The following CADPS variants were observed in gnomAD, a reference collection of about 807,000 sequenced individuals.
CADPS encodes calcium dependent secretion activator.
In CADPS, 57 loss-of-function variants were observed where a neutral mutation model predicts 167.3. The ratio of observed to expected loss-of-function variants is 0.34; its 90% CI spans 0.28 to 0.42. The LOEUF is 0.42. Among genes scored for constraint, CADPS ranks in the 20% least tolerant of loss-of-function variants. The pLI, the probability that CADPS is intolerant of heterozygous loss-of-function variation, is 1.00. For synonymous variants in CADPS, 676 were observed against 635.3 expected (o/e 1.06, Z -0.96); for missense variants, 1,414 against 1,738.1 (o/e 0.81, Z 3.32).
intron 13 of CADPS, among the ~76,000 whole-genome samples, chr3:62,525,679 A>ATGTGTGTGTGTG (rs34729200): frequency 0.021 from 3,142 of 148,864 alleles, 65 homozygotes; most frequent in Middle Eastern, 0.058. Context: ...TAATGTCATT[A>ATGTGTGTGTGTG]TGTGTGTGTG....
intron 27 of CADPS, chr3:62,439,147 C>G (rs2055781512): frequency 6.6e-6 from 1 of 152,104 alleles, no homozygotes; most frequent in Admixed American, 6.6e-5. Flanking sequence ...ATATATATGT[C>G]TGCTAATAAC....
At chr3:62,562,177 C>A (rs572126369) in intron 9 of CADPS, among the ~76,000 whole-genome samples, 37 of 152,230 alleles carry the variant, frequency 2.4e-4, no homozygotes, top group Middle Eastern at 3.4e-3. Context: ...CGGATTGAGC[C>A]AAAATCTGAG....
At chr3:62,591,140 G>T (rs888881952) in intron 7 of CADPS, among the ~76,000 whole-genome samples, 4 of 152,178 alleles carry the variant, frequency 2.6e-5, no homozygotes, top group Non-Finnish European at 5.9e-5. Context: ...TTACAGGCGT[G>T]AGCCACCGCG....
chr3:62,705,170 C>T (rs1406312052), intron 3 of CADPS, among the ~76,000 whole-genome samples: 1 of 152,152 alleles, frequency 6.6e-6, no homozygotes, highest in Non-Finnish European at 1.5e-5. Context: ...TTGAGTAACT[C>T]TCTCACCATT....
intron 3 of CADPS, among the ~76,000 whole-genome samples, chr3:62,666,172 G>A (rs925160398): frequency 2.6e-5 from 4 of 152,294 alleles, no homozygotes; most frequent in African/African-American, 9.6e-5. Flanking sequence ...TTTCTCTGGG[G>A]TCGAGTCCCC....
chr3:62,687,766 C>T (rs1478226542), intron 3 of CADPS, among the ~76,000 whole-genome samples: 8 of 115,928 alleles, frequency 6.9e-5, no homozygotes, highest in African/African-American at 1.2e-4. Flanking sequence ...TCTATCTTAA[C>T]GCTTGCTTCT....
intron 3 of CADPS, among the ~76,000 whole-genome samples, chr3:62,706,479 T>A (rs2151682158): frequency 6.6e-6 from 1 of 152,244 alleles, no homozygotes; most frequent in African/African-American, 2.4e-5. Context: ...CTGAAACTGC[T>A]GTCACAAGTA....
At chr3:62,695,696 G>C (rs919178990) in intron 3 of CADPS, among the ~76,000 whole-genome samples, 12 of 151,724 alleles carry the variant, frequency 7.9e-5, no homozygotes, top group African/African-American at 2.4e-4. Flanking sequence ...TTTGAGACAG[G>C]GTCTCACTCT....
chr3:62,461,922 C>T (rs954093460), intron 26 of CADPS, among the ~76,000 whole-genome samples: 2 of 152,240 alleles, frequency 1.3e-5, no homozygotes, highest in African/African-American at 4.8e-5. Context: ...TAGCACAGAA[C>T]ATGACACATA....
At chr3:62,479,578 G>C (rs1266707358) in intron 22 of CADPS, among the ~76,000 whole-genome samples, 1 of 152,234 alleles carries the variant, frequency 6.6e-6, no homozygotes, top group Non-Finnish European at 1.5e-5. Flanking sequence ...GCGGGGAGGG[G>C]GCACACGCCC....
At chr3:62,698,554 T>C (rs2080780803) in intron 3 of CADPS, among the ~76,000 whole-genome samples, 1 of 152,002 alleles carries the variant, frequency 6.6e-6, no homozygotes. Flanking sequence ...GCTCGTCTTT[T>C]GCCCTGTGGG....
chr3:62,844,141 G>A (rs1210222259), intron 1 of CADPS, among the ~76,000 whole-genome samples: 2 of 152,138 alleles, frequency 1.3e-5, no homozygotes, highest in Non-Finnish European at 2.9e-5. Flanking sequence ...GGAAAGGATG[G>A]GGGAAAAAGC....
intron 24 of CADPS, among the ~76,000 whole-genome samples, chr3:62,467,760 G>A (rs1219283784): frequency 6.6e-6 from 1 of 152,028 alleles, no homozygotes; most frequent in South Asian, 2.1e-4. Context: ...GATTTTTAGC[G>A]GGTCTATGCT....
At chr3:62,556,686 T>C (rs149343404) in intron 10 of CADPS, among the ~76,000 whole-genome samples, 1 of 152,172 alleles carries the variant, frequency 6.6e-6, no homozygotes, top group African/African-American at 2.4e-5. Context: ...CATTTTTTTT[T>C]TCTGGGAAAA....
At chr3:62,599,547 T>A (rs1441902014) in intron 6 of CADPS, among the ~76,000 whole-genome samples, 1 of 105,400 alleles carries the variant, frequency 9.5e-6, no homozygotes, top group Non-Finnish European at 1.8e-5. Context: ...ATATTATATA[T>A]AATATAAATT....
Position 62,589,095 on chromosome 3 carries a change from T to C in CADPS, c.1437+3542A>G, listed in dbSNP as rs374701021. On this transcript the variant is annotated intron_variant, in intron 7 of 29. Transcript: ENST00000383710. ...AATTTTTTTTTAATTAAAAAGGTTA[T>C]TAAAAACAAAACATAACCCTAAAGA... is the stretch of plus-strand genomic sequence containing the variant. Among the ~76,000 whole-genome samples, 8 of 152,206 alleles carry C rather than the reference T, an allele frequency of 5.3e-5. No individual in the cohort carries two copies. The East Asian group carries it at 1.3e-3, about 26-fold the overall frequency.
intron 28 of CADPS, among the ~76,000 whole-genome samples, chr3:62,431,393 C>A (rs372895961): frequency 1.6e-4 from 24 of 150,118 alleles, no homozygotes; most frequent in East Asian, 1.2e-3. Context: ...ACAGTTTAGC[C>A]CCCCCTCAAT....
At chr3:62,680,035 C>CA (rs1271523831) in intron 3 of CADPS, among the ~76,000 whole-genome samples, 1 of 151,954 alleles carries the variant, frequency 6.6e-6, no homozygotes, top group Non-Finnish European at 1.5e-5. Flanking sequence ...ACTACCTCTA[C>CA]AGGCTATGGG....
chr3:62,685,557 G>C lies in CADPS; in HGVS notation c.889-23163C>G, dbSNP rs559432690. Among the ~76,000 whole-genome samples the C allele has an allele frequency of 9.7e-4, 148 of 151,924 alleles. 1 individual carries two copies. The highest frequency in any genetic ancestry group is 6.8e-3 in the Middle Eastern group (2 of 294). On this transcript the variant is annotated intron_variant, in intron 3 of 29. Transcript: ENST00000383710. Reference sequence around the variant, plus strand: ...TTATTTATATAGCTAGAAAGTGGTGGAGTCAAGAAAAAAAGGATACAAAAT... The same window carrying C: ...TTATTTATATAGCTAGAAAGTGGTGCAGTCAAGAAAAAAAGGATACAAAAT...
Sources: allele counts gnomAD v4.1 joint callset (sites outside exome capture counted in the v4.1 genomes callset), GRCh38; gene constraint gnomAD v4.1.1; transcripts MANE v1.5; gene names NCBI Gene and HGNC (gene_info 2026-07-23, HGNC 2026-07-21).